The following COL4A4 variants were observed in gnomAD, a reference collection of about 807,000 sequenced individuals.
COL4A4 encodes the protein collagen alpha-4(IV) chain.
In COL4A4, 105 loss-of-function variants were observed where a neutral mutation model predicts 192.9. That is an observed-to-expected ratio of 0.54 (90% CI 0.46 to 0.64). The LOEUF is 0.64. COL4A4 is among the 30% of genes least tolerant of loss of function. COL4A4 has a pLI of 0.00. For missense variants in COL4A4, 1,967 were observed against 2,169.3 expected, an observed-to-expected ratio of 0.91 and a Z score of 1.85; for synonymous variants, 762 against 769.9, an observed-to-expected ratio of 0.99 and a Z score of 0.17.
In COL4A4 at chr2:227,012,658, C is replaced by T. The variant is rs1048682205; in HGVS notation, c.4217-361G>A. ...AAAAAAAAAAAAAAAAACTACTGAA[C>T]ATGTATGGCATTTATAATAAATATT... On this transcript the variant is annotated intron_variant, in intron 44 of 47. Transcript: ENST00000396625. Among the ~76,000 whole-genome samples, 12 of 144,586 alleles carry T rather than the reference C, an allele frequency of 8.3e-5. No homozygotes were observed. The South Asian group carries it at 1.8e-3, about 21-fold the overall frequency. 94.9% of individuals were successfully genotyped at this position (144,586 alleles called of 152,430 possible). A position where few individuals can be genotyped will look rare whatever the true frequency, so the allele number is the denominator to read the frequency against.
At chr2:226,976,400 A>G in the COL4A4 span, among the ~76,000 whole-genome samples, 1 of 151,554 alleles carries the variant, frequency 6.6e-6, no homozygotes, top group African/African-American at 2.4e-5. Flanking sequence ...CAGCAACATC[A>G]AAGGAGCAGT....
intron 12 of COL4A4, among the ~76,000 whole-genome samples, chr2:227,106,680 C>T (rs2060862961): frequency 1.3e-5 from 2 of 152,280 alleles, no homozygotes; most frequent in South Asian, 2.1e-4. Context: ...ATTCTCCTGC[C>T]TCAGCCTCCC....
Position 227,122,876 on chromosome 2 carries a change from T to A in COL4A4, c.193-1728A>T, listed in dbSNP as rs146285169. Reference sequence around the variant, plus strand: ...TTTATTTTTATTTATTATTATTATTTTTTTTTGAGACAGGGTCTCACTCTG... The same window carrying A: ...TTTATTTTTATTTATTATTATTATTATTTTTTGAGACAGGGTCTCACTCTG... On this transcript the variant is annotated intron_variant, in intron 4 of 47. Transcript: ENST00000396625. 2.9e-3 allele frequency among the ~76,000 whole-genome samples: 440 copies of A among 152,216 alleles called. 3 individuals carry two copies. Among genetic ancestry groups the A allele is most frequent in the South Asian group, 4.8e-3 (23 of 4,822 alleles).
chr2:227,008,055 G>A lies in COL4A4; in HGVS notation c.4772C>T (p.Thr1591Ile), dbSNP rs1962559578. The change falls in exon 47 of 48, where the codon ACC (threonine) becomes ATC (isoleucine). Residue 1591 changes from threonine to isoleucine, a missense_variant. By Grantham distance (89) the Thr-to-Ile change is moderately conservative (BLOSUM62 -1). Coordinates refer to ENST00000396625, the MANE Select transcript of COL4A4 (RefSeq NM_000092.5). ...ATACCCGATCCAGAGGCTCCTCCAGGTCTGCGGACATGGGGGGATGGACTG... is the reference window on the plus strand; with the variant it reads ...ATACCCGATCCAGAGGCTCCTCCAGATCTGCGGACATGGGGGGATGGACTG... ...QDQSIPPCPQ[T>I]WRSLWIGYSF... The A allele has an allele frequency of 1.2e-6, 2 of 1,613,644 alleles. No individual in the cohort carries two copies. Among genetic ancestry groups the A allele is most frequent in the African/African-American group, 1.3e-5 (1 of 74,948 alleles).
intron 43 of COL4A4, among the ~76,000 whole-genome samples, chr2:227,022,828 A>T (rs944400957): frequency 9.9e-5 from 15 of 152,056 alleles, no homozygotes; most frequent in African/African-American, 3.1e-4. Context: ...TGCATAATAA[A>T]CTCAGCTGGT....
At chr2:227,035,019 A>C (rs1969325382) in intron 37 of COL4A4, among the ~76,000 whole-genome samples, 1 of 151,912 alleles carries the variant, frequency 6.6e-6, no homozygotes, top group South Asian at 2.1e-4. Flanking sequence ...ATCAGCTTAT[A>C]AGGTTGAACA....
intron 8 of COL4A4, among the ~76,000 whole-genome samples, chr2:227,112,279 T>C (rs2061257203): frequency 6.6e-6 from 1 of 152,092 alleles, no homozygotes; most frequent in Non-Finnish European, 1.5e-5. Context: ...AACCTTTTTT[T>C]TTTTTTGAGA....
chr2:226,973,820 G>A, the COL4A4 span, among the ~76,000 whole-genome samples: 1 of 152,202 alleles, frequency 6.6e-6, no homozygotes, highest in Non-Finnish European at 1.5e-5. Context: ...ATTCCTGTGA[G>A]CGTTAGAACA....
chr2:227,125,214 G>GTTTT (rs1225619818), intron 4 of COL4A4, among the ~76,000 whole-genome samples: 6 of 149,690 alleles, frequency 4.0e-5, no homozygotes, highest in African/African-American at 1.5e-4. Flanking sequence ...TTTTTTTTTT[G>GTTTT]TTTTTTTTCT....
At chr2:227,100,499 C>T (rs1027217905) in intron 17 of COL4A4, among the ~76,000 whole-genome samples, 20 of 152,210 alleles carry the variant, frequency 1.3e-4, no homozygotes, top group African/African-American at 4.6e-4. Context: ...CAACTGTTTA[C>T]ATAGCATTTA....
chr2:227,015,517 C>T (rs1021417024), intron 44 of COL4A4, among the ~76,000 whole-genome samples: 12 of 152,124 alleles, frequency 7.9e-5, no homozygotes, highest in African/African-American at 1.2e-4. Flanking sequence ...TTCCTTGTGA[C>T]GCCCCCTCCC....
intron 8 of COL4A4, among the ~76,000 whole-genome samples, chr2:227,113,050 G>C (rs2061307481): frequency 6.6e-6 from 1 of 152,148 alleles, no homozygotes; most frequent in African/African-American, 2.4e-5. Context: ...TCAAGTCCTT[G>C]CTTTCAGTTC....
At chr2:227,142,791 A>G (rs1350834091) in intron 3 of COL4A4, among the ~76,000 whole-genome samples, 2 of 152,014 alleles carry the variant, frequency 1.3e-5, no homozygotes, top group Non-Finnish European at 2.9e-5. Flanking sequence ...CAAAGAAGTT[A>G]TTAATGTCTT....
intron 37 of COL4A4, among the ~76,000 whole-genome samples, chr2:227,041,862 GAAAGAAAGAA>G (rs1971393379): frequency 1.7e-5 from 2 of 118,332 alleles, no homozygotes; most frequent in African/African-American, 7.3e-5. Flanking sequence ...AAGAAAGAAA[GAAAGAAAGAA>G]AGAAAGAAAG....
chr2:227,001,749 A>G (rs1237243740), downstream of COL4A4, among the ~76,000 whole-genome samples: 2 of 152,230 alleles, frequency 1.3e-5, no homozygotes, highest in African/African-American at 2.4e-5. Flanking sequence ...GAGAGGAAGC[A>G]TATATAGCAG....
intron 25 of COL4A4, among the ~76,000 whole-genome samples, chr2:227,068,398 A>T (rs1201821700): frequency 1.3e-5 from 2 of 151,884 alleles, no homozygotes; most frequent in African/African-American, 2.4e-5. Flanking sequence ...TACCAAAGCC[A>T]GGCAGAGACA....
chr2:227,130,725 AC>A (rs1007194958), intron 4 of COL4A4, among the ~76,000 whole-genome samples: 6 of 152,094 alleles, frequency 3.9e-5, no homozygotes, highest in African/African-American at 1.4e-4. Context: ...TATCCAACTG[AC>A]CACAAGCGCT....
In COL4A4 at chr2:227,152,739, T is replaced by C. The variant is rs58190293; in HGVS notation, c.-101-5155A>G. Among the ~76,000 whole-genome samples, 1,379 of 152,300 alleles carry C rather than the reference T, an allele frequency of 9.1e-3. 49 individuals are homozygous for C. The East Asian group carries it at 0.11, about 12-fold the overall frequency. On this transcript the variant is annotated intron_variant, in intron 1 of 47. Transcript: ENST00000396625. Reference sequence around the variant, plus strand: ...TGTGTTAAGAGCACAAAATATTTTGTTTCAACAAAGCTTTTGACTGCACCA... The same window carrying C: ...TGTGTTAAGAGCACAAAATATTTTGCTTCAACAAAGCTTTTGACTGCACCA...
intron 4 of COL4A4, among the ~76,000 whole-genome samples, chr2:227,122,609 AACCCAATGTTG>A (rs2061858428): frequency 6.6e-6 from 1 of 152,212 alleles, no homozygotes; most frequent in African/African-American, 2.4e-5. Context: ...CTACTCTGGC[AACCCAATGTTG>A]TGCAGTCCCA....
Sources: gnomAD v4.1 joint callset for allele counts (sites outside exome capture counted in the v4.1 genomes callset) on GRCh38, gnomAD v4.1.1 for gene constraint, MANE v1.5 for transcripts, NCBI Gene and HGNC (gene_info 2026-07-23, HGNC 2026-07-21) for gene names.